Variants in SS18L1 observed in about 807,000 individuals in gnomAD.
SS18L1 encodes SS18L1 subunit of BAF chromatin remodeling complex, also known as calcium-responsive transactivator.
A neutral mutation model predicts 70.3 loss-of-function variants in SS18L1; 32 were observed. That is an observed-to-expected ratio of 0.46 (90% CI 0.34 to 0.61). The LOEUF is 0.61. Among genes scored for constraint, SS18L1 ranks in the 20% least tolerant of loss-of-function variants. SS18L1 has a pLI of 0.01. For synonymous variants in SS18L1, 237 were observed against 229.7 expected (o/e 1.03, Z -0.29); for missense variants, 430 against 542.1 (o/e 0.79, Z 2.05).
chr20:62,154,222 G>A (rs973184313), intron 1 of SS18L1: 4 of 655,126 alleles, frequency 6.1e-6, no homozygotes, highest in Admixed American at 1.2e-4. Context: ...GAAGGACCCT[G>A]GGACCATGTC....
At chr20:62,157,971 C>G (rs1383652433) in intron 1 of SS18L1, among the ~76,000 whole-genome samples, 2 of 152,192 alleles carry the variant, frequency 1.3e-5, no homozygotes, top group African/African-American at 4.8e-5. Context: ...GCAGCCCCTG[C>G]AGGAAGTCTC....
At position 62,174,404 on chromosome 20, in the gene SS18L1, G is replaced by T; in HGVS notation, c.1037-113G>T. 2 of 1,478,030 alleles carry T rather than the reference G, an allele frequency of 1.4e-6. No individual in the cohort carries two copies. The highest frequency in any genetic ancestry group is 1.8e-6 in the Non-Finnish European group (2 of 1,114,986). The allele number at this position is 1,478,030 out of a possible 1,614,324, so 91.6% of individuals were successfully genotyped here. A position where few individuals can be genotyped will look rare whatever the true frequency, so the allele number is the denominator to read the frequency against. ...GATTGACAAAAGGCTGATGCATTGA[G>T]ACGGGAATTTTTCAAGGAGAAGAGG... On this transcript the variant is annotated intron_variant, in intron 9 of 10. Transcript: ENST00000331758. The surrounding 1 kb of genome is among the most constrained non-coding windows in gnomAD (Gnocchi z 4.1).
In SS18L1 at chr20:62,151,523, G is replaced by T. The variant is rs73613543; in HGVS notation, c.70-7149G>T. ...CCCCTCAGAGCCTGAGACCACAGGG[G>T]TGACCACGCAGAGAGGGAGTGGGAG... On this transcript the variant is annotated intron_variant, in intron 1 of 10. Transcript: ENST00000331758. Among the ~76,000 whole-genome samples, 2,789 of 152,264 alleles carry T rather than the reference G, an allele frequency of 0.018. 231 individuals are homozygous for T. In the East Asian group the frequency reaches 0.27, roughly 15 times the overall value.
chr20:62,152,736 C>T (rs1045321306), intron 1 of SS18L1, among the ~76,000 whole-genome samples: 2 of 152,234 alleles, frequency 1.3e-5, no homozygotes, highest in Non-Finnish European at 2.9e-5. Flanking sequence ...CAACCCCAGA[C>T]TCACTTCAGG....
intron 8 of SS18L1, among the ~76,000 whole-genome samples, chr20:62,165,794 G>A (rs938188816): frequency 6.6e-6 from 1 of 151,808 alleles, no homozygotes; most frequent in Non-Finnish European, 1.5e-5. Context: ...GCCAGGGAGC[G>A]TGGGGCCTGC....
intron 8 of SS18L1, among the ~76,000 whole-genome samples, 174 bp downstream of exon 8, chr20:62,165,688 G>A (rs957102850): frequency 6.6e-6 from 1 of 152,214 alleles, no homozygotes; most frequent in East Asian, 1.9e-4. Flanking sequence ...AGGCTGTGTC[G>A]GGAGCCCCGC....
chr20:62,178,125 C>G (rs897910705), intron 10 of SS18L1, among the ~76,000 whole-genome samples: 1 of 144,498 alleles, frequency 6.9e-6, no homozygotes, highest in East Asian at 2.1e-4. Context: ...GCATGCGCCA[C>G]AACATGTGGC....
rs2057296591 is a variant in SS18L1, at chr20:62,160,063, CAG to C, written c.231+106_231+107del. On this transcript the variant is annotated intron_variant, in intron 3 of 10. Coordinates refer to ENST00000331758, the MANE Select transcript of SS18L1 (RefSeq NM_198935.3). ...GTCATCTCAGGTAGCAAAGATGACT[CAG>C]AGAAACCAAAAATACCACTAGAGCC... The C allele has an allele frequency of 4.1e-6, 5 of 1,229,742 alleles. No homozygotes were observed. The East Asian group carries it at 1.3e-4, about 31-fold the overall frequency. 76.2% of individuals were successfully genotyped at this position (1,229,742 alleles called of 1,614,324 possible). A position where few individuals can be genotyped will look rare whatever the true frequency, so the allele number is the denominator to read the frequency against.
rs2057286707 is a variant in SS18L1, at chr20:62,159,539, T to A, written c.147-338T>A. 6.6e-6 allele frequency among the ~76,000 whole-genome samples: 1 copy of A among 152,174 alleles called. No individual in the cohort carries two copies. The highest frequency in any genetic ancestry group is 1.5e-5 in the Non-Finnish European group (1 of 68,018). On this transcript the variant is annotated intron_variant, in intron 2 of 10. Transcript: ENST00000331758. This position sits in a 1 kb window ranked among gnomAD's most constrained non-coding sequence, Gnocchi z 4.4. ...ACGAGGGCTCTGTCCCTCTGTCACC[T>A]TCGGGCCCCTGCCTCCTCGTGGCCT...
chr20:62,146,076 A>C (rs2023265), intron 1 of SS18L1, among the ~76,000 whole-genome samples: 98,083 of 151,274 alleles, frequency 0.65, 35,583 homozygotes, highest in Non-Finnish European at 0.81. Flanking sequence ...GAGGTCTACA[A>C]CTTGTCCTTA....
In SS18L1 at chr20:62,158,991, G is replaced by T. The variant is rs756851740; in HGVS notation, c.146+243G>T. ...CCAGCACGGAGGCCAGATATGTCCC[G>T]AGAGTCCCCCAGCACGGAGGCCAGA... is the stretch of plus-strand genomic sequence containing the variant. On this transcript the variant is annotated intron_variant, in intron 2 of 10. Coordinates refer to ENST00000331758, the MANE Select transcript of SS18L1 (RefSeq NM_198935.3). The surrounding 1 kb of genome is among the most constrained non-coding windows in gnomAD (Gnocchi z 4.5). The T allele has an allele frequency of 1.3e-6, 2 of 1,518,174 alleles. No individual in the cohort carries two copies. Among genetic ancestry groups the T allele is most frequent in the Non-Finnish European group, 8.8e-7 (1 of 1,132,382 alleles). 94.0% of individuals were successfully genotyped at this position (1,518,174 alleles called of 1,614,324 possible). A position where few individuals can be genotyped will look rare whatever the true frequency, so the allele number is the denominator to read the frequency against.
intron 7 of SS18L1, among the ~76,000 whole-genome samples, chr20:62,164,532 G>A (rs2057393052): frequency 6.6e-6 from 1 of 152,256 alleles, no homozygotes; most frequent in African/African-American, 2.4e-5. Context: ...GGCTGTGGGA[G>A]TTGGAGGCGG....
chr20:62,162,609 T>C (rs1942784206), intron 4 of SS18L1, 143 bp from the exon 5 acceptor site: 3 of 848,306 alleles, frequency 3.5e-6, no homozygotes, highest in East Asian at 2.9e-5. Flanking sequence ...CGGCCACTTA[T>C]TTATTAGTCA....
At chr20:62,149,665 C>G (rs1414590347) in intron 1 of SS18L1, among the ~76,000 whole-genome samples, 1 of 152,204 alleles carries the variant, frequency 6.6e-6, no homozygotes, top group African/African-American at 2.4e-5. Flanking sequence ...GCTGTGGCCT[C>G]CCTCATAGCC....
intron 3 of SS18L1, among the ~76,000 whole-genome samples, chr20:62,160,494 G>A (rs891670434): frequency 6.6e-6 from 1 of 152,162 alleles, no homozygotes; most frequent in African/African-American, 2.4e-5. Context: ...TGCTGTGGGT[G>A]AGAACGGAAC....
chr20:62,164,044 T>G, intron 6 of SS18L1, 101 bp from the exon 7 acceptor site: 1 of 1,009,166 alleles, frequency 9.9e-7, no homozygotes. Context: ...CTCGGGTGGG[T>G]GAGGCCATTC....
At chr20:62,144,338 G>T (rs2056982416) in intron 1 of SS18L1, among the ~76,000 whole-genome samples, 1 of 152,190 alleles carries the variant, frequency 6.6e-6, no homozygotes, top group African/African-American at 2.4e-5. Context: ...GGCGGTACTC[G>T]TTTTCTGCGC....
In SS18L1 at chr20:62,165,498, G is replaced by A; in HGVS notation, c.900G>A (p.Gln300=). The A allele has an allele frequency of 6.2e-7, 1 of 1,612,110 alleles. No homozygotes were observed. Among genetic ancestry groups the A allele is most frequent in the Non-Finnish European group, 8.5e-7 (1 of 1,179,422 alleles). The part of the protein sequence containing the change: ...SYDRSFEEST[Q]HYYEGGNSQY... ...ACCGGTCCTTCGAGGAGTCCACGCA[G>A]CACTACTATGAGGGGGGTAAGGAGC... Residue 300 remains glutamine (Q), a synonymous_variant, in exon 8 of 11, where the codon CAG becomes CAA. Transcript: ENST00000331758.
chr20:62,146,490 A>G (rs773688451), intron 1 of SS18L1, among the ~76,000 whole-genome samples: 4 of 152,106 alleles, frequency 2.6e-5, no homozygotes, highest in African/African-American at 4.8e-5. Flanking sequence ...TCTGGAGACC[A>G]GAAGTCCCAA....
Sources: gnomAD v4.1 joint callset for allele counts (sites outside exome capture counted in the v4.1 genomes callset) on GRCh38, gnomAD v4.1.1 for gene constraint, Gnocchi (gnomAD v3.1) non-coding constraint, MANE v1.5 for transcripts, NCBI Gene and HGNC (gene_info 2026-07-23, HGNC 2026-07-21) for gene names.